ZNF827: variants seen among roughly 807,000 people sequenced by gnomAD.
ZNF827 encodes zinc finger protein 827.
In ZNF827, 13 loss-of-function variants were observed where a neutral mutation model predicts 102.4. The observed-to-expected ratio is 0.13, with a 90% CI of 0.08 to 0.20. The LOEUF is 0.20. Among genes scored for constraint, ZNF827 ranks in the 10% least tolerant of loss-of-function variants. The pLI is 1.00. For synonymous variants in ZNF827, 523 were observed against 536.2 expected, an observed-to-expected ratio of 0.98 and a Z score of 0.34; for missense variants, 1,103 against 1,344.4, an observed-to-expected ratio of 0.82 and a Z score of 2.81.
rs1469893563 is a variant in ZNF827 at position 145,870,448 on chromosome 4, T to C, written c.1778A>G (p.Asn593Ser). 6.2e-7 allele frequency: 1 copy of C among 1,613,978 alleles called. No homozygotes were observed. Among genetic ancestry groups the C allele is most frequent in the African/African-American group, 1.3e-5 (1 of 74,896 alleles). Residue 593 changes from asparagine to serine, a missense_variant, in exon 5 of 15, where the codon AAT becomes AGT. Physicochemically the swap from Asn to Ser is conservative, Grantham distance 46. Coordinates refer to ENST00000508784, the MANE Select transcript of ZNF827 (RefSeq NM_001306215.2). ...AANQKEPMNLNFKVKEEPKEG... is the reference protein window; with the variant it reads ...AANQKEPMNLSFKVKEEPKEG... ...CTTAGGCTCCTCTTTCACTTTAAAA[T>C]TAAGATTCATGGGCTCCTTCTGATT...
chr4:145,845,903 G>A (rs1008516750), intron 7 of ZNF827, 53 bp downstream of exon 7: 44 of 1,584,362 alleles, frequency 2.8e-5, no homozygotes, highest in Admixed American at 2.5e-4. Flanking sequence ...CATGTAGTAC[G>A]GGCTGGTGGC....
At chr4:145,909,641 A>G (rs1752126342) in intron 1 of ZNF827, among the ~76,000 whole-genome samples, 1 of 152,214 alleles carries the variant, frequency 6.6e-6, no homozygotes, top group South Asian at 2.1e-4. Context: ...AAGGAGAGGG[A>G]AGAGGTATCA....
intron 8 of ZNF827, among the ~76,000 whole-genome samples, chr4:145,793,180 G>A (rs987004152): frequency 1.3e-5 from 2 of 149,892 alleles, no homozygotes; most frequent in Non-Finnish European, 3.0e-5. Flanking sequence ...AGACAAGGCT[G>A]AGAAGTCCCA....
intron 2 of ZNF827, among the ~76,000 whole-genome samples, chr4:145,898,498 A>G (rs1751152480): frequency 6.6e-6 from 1 of 152,216 alleles, no homozygotes; most frequent in Non-Finnish European, 1.5e-5. Context: ...TCTTTAAAAT[A>G]AAAACCATTT....
chr4:145,828,872 C>T (rs1743925189), intron 7 of ZNF827, among the ~76,000 whole-genome samples: 1 of 152,080 alleles, frequency 6.6e-6, no homozygotes, highest in Admixed American at 6.5e-5. Context: ...AATAGTGATA[C>T]ATTTTGCTAA....
At chr4:145,834,808 C>G (rs1248974316) in intron 7 of ZNF827, among the ~76,000 whole-genome samples, 1 of 152,066 alleles carries the variant, frequency 6.6e-6, no homozygotes, top group South Asian at 2.1e-4. Flanking sequence ...TTAAATAAAA[C>G]TCCAAAAATT....
At chr4:145,802,001 C>T (rs920948346) in intron 8 of ZNF827, among the ~76,000 whole-genome samples, 1 of 152,150 alleles carries the variant, frequency 6.6e-6, no homozygotes, top group African/African-American at 2.4e-5. Flanking sequence ...AGGCAACACA[C>T]TGGGGAGAGA....
chr4:145,926,171 AAATG>A (rs1318008119), intron 1 of ZNF827, among the ~76,000 whole-genome samples: 6 of 152,338 alleles, frequency 3.9e-5, no homozygotes, highest in African/African-American at 7.2e-5. Flanking sequence ...AGTGCTGGTG[AAATG>A]AATGAATGAA....
intron 5 of ZNF827, among the ~76,000 whole-genome samples, chr4:145,854,776 G>A (rs184331920): frequency 1.3e-5 from 2 of 152,158 alleles, no homozygotes; most frequent in South Asian, 2.1e-4. Context: ...CTATTCGGAT[G>A]TCCCCTCTGT....
In ZNF827 at chr4:145,938,298, C is replaced by A. The variant is rs1754384752; in HGVS notation, c.43+67G>T. The A allele has an allele frequency of 1.1e-5, 17 of 1,581,426 alleles. No homozygotes were observed. In the South Asian group the frequency reaches 1.9e-4, roughly 18 times the overall value. On this transcript the variant is annotated intron_variant, in intron 1 of 14. Coordinates refer to ENST00000508784, the MANE Select transcript of ZNF827 (RefSeq NM_001306215.2). The stretch of plus-strand genomic sequence containing the variant: ...ATGCAGAAAACAACGGAGGAGGCTG[C>A]GGAGGGGAAAGAGGAGAGGGAGGGC...
chr4:145,859,171 G>A (rs1747467717), intron 5 of ZNF827, among the ~76,000 whole-genome samples: 1 of 152,156 alleles, frequency 6.6e-6, no homozygotes, highest in Non-Finnish European at 1.5e-5. Context: ...AATACCAGGA[G>A]TAAGATATGG....
Position 145,774,684 on chromosome 4 carries a change from G to T in ZNF827, c.2694-12C>A. The stretch of plus-strand genomic sequence containing the variant: ...CACACACGTGACAACTACATGAAAG[G>T]GTAAAAGAAAAGAGGGGGAGAGAAA... On this transcript the variant is annotated splice_polypyrimidine_tract_variant and intron_variant, in intron 10 of 14. Coordinates refer to ENST00000508784, the MANE Select transcript of ZNF827 (RefSeq NM_001306215.2). The T allele has an allele frequency of 6.2e-7, 1 of 1,609,996 alleles. No homozygotes were observed. The highest frequency in any genetic ancestry group is 8.5e-7 in the Non-Finnish European group (1 of 1,177,316).
At chr4:145,908,595 T>A (rs1263650554) in intron 1 of ZNF827, among the ~76,000 whole-genome samples, 2 of 152,242 alleles carry the variant, frequency 1.3e-5, no homozygotes, top group Admixed American at 6.5e-5. Flanking sequence ...CTGCAAATCA[T>A]ACAACCAACT....
intron 4 of ZNF827, among the ~76,000 whole-genome samples, chr4:145,872,204 G>A (rs1438035963): frequency 6.6e-6 from 1 of 152,194 alleles, no homozygotes; most frequent in Non-Finnish European, 1.5e-5. Context: ...TAACCTGCCA[G>A]TGTGGAATAT....
At chr4:145,866,100 G>A (rs1748165211) in intron 5 of ZNF827, among the ~76,000 whole-genome samples, 1 of 152,168 alleles carries the variant, frequency 6.6e-6, no homozygotes, top group African/African-American at 2.4e-5. Flanking sequence ...TGGGCCTCCA[G>A]CCTCTGGCTG....
chr4:145,847,167 A>C (rs1746071930), intron 6 of ZNF827, among the ~76,000 whole-genome samples: 1 of 152,174 alleles, frequency 6.6e-6, no homozygotes, highest in Non-Finnish European at 1.5e-5. Flanking sequence ...AAAATAAAAA[A>C]AAAAAAGAAA....
At position 145,885,972 on chromosome 4, in the gene ZNF827, A is replaced by G. The variant is rs968597036; in HGVS notation, c.1453T>C (p.Cys485Arg). The change falls in exon 4 of 15, where the codon TGC (cysteine) becomes CGC (arginine). Residue 485 changes from cysteine (C) to arginine (R), a missense_variant. Coordinates refer to ENST00000508784, the MANE Select transcript of ZNF827 (RefSeq NM_001306215.2). Reference sequence around the variant, plus strand: ...CCTCCTTCCCTTTGCTGCCCCAGGCAGGCACTGTCACTGAGGTGGGGAGAT... The same window carrying G: ...CCTCCTTCCCTTTGCTGCCCCAGGCGGGCACTGTCACTGAGGTGGGGAGAT... Reference protein sequence around the residue: ...KGSPHLSDSACLGQQREGGGT... With the variant: ...KGSPHLSDSARLGQQREGGGT... The G allele has an allele frequency of 6.2e-7, 1 of 1,613,954 alleles. No individual in the cohort carries two copies. The highest frequency in any genetic ancestry group is 1.3e-5 in the African/African-American group (1 of 74,938).
intron 1 of ZNF827, among the ~76,000 whole-genome samples, chr4:145,921,877 A>AT (rs1281968231): frequency 6.6e-6 from 1 of 152,334 alleles, no homozygotes; most frequent in Admixed American, 6.5e-5. Context: ...GTTCCAGGAA[A>AT]TCATAACAGG....
chr4:145,936,438 A>C (rs1394343199), intron 1 of ZNF827, among the ~76,000 whole-genome samples: 3 of 145,262 alleles, frequency 2.1e-5, no homozygotes, highest in African/African-American at 7.6e-5. Context: ...AGGACTGCAC[A>C]GGGGCATTTT....
Sources: gnomAD v4.1 joint callset for allele counts (sites outside exome capture counted in the v4.1 genomes callset) on GRCh38, gnomAD v4.1.1 for gene constraint, MANE v1.5 for transcripts, NCBI Gene and HGNC (gene_info 2026-07-23, HGNC 2026-07-21) for gene names.